Variants in MAML2 observed in about 807,000 individuals in gnomAD.
The protein encoded by MAML2 is mastermind-like protein 2.
In MAML2, 22 loss-of-function variants were observed where a neutral mutation model predicts 96.1. The observed-to-expected ratio is 0.23, with a 90% CI of 0.16 to 0.33. The LOEUF is 0.33. Among genes scored for constraint, MAML2 ranks in the 10% least tolerant of loss-of-function variants. The probability of loss-of-function intolerance (pLI) is 1.00; values close to 1 mark genes in which losing one functional copy is unlikely to be tolerated. For synonymous variants in MAML2, 561 were observed against 521.3 expected (o/e 1.08, Z -1.04); for missense variants, 1,367 against 1,392.4 (o/e 0.98, Z 0.29).
chr11:96,009,104 T>C (rs1455200283), intron 2 of MAML2, among the ~76,000 whole-genome samples: 5 of 152,212 alleles, frequency 3.3e-5, no homozygotes. Flanking sequence ...CAAAATAATA[T>C]TGTTAGATGT....
intron 1 of MAML2, among the ~76,000 whole-genome samples, chr11:96,184,249 T>C (rs1159498805): frequency 6.6e-6 from 1 of 152,178 alleles, no homozygotes; most frequent in African/African-American, 2.4e-5. Flanking sequence ...GAGACCAGCC[T>C]GACCATCATG....
chr11:96,250,510 C>G (rs1300950000), intron 1 of MAML2, among the ~76,000 whole-genome samples: 1 of 152,176 alleles, frequency 6.6e-6, no homozygotes, highest in Admixed American at 6.5e-5. Flanking sequence ...TCCTATCTAG[C>G]TGTAATTTTG....
intron 1 of MAML2, among the ~76,000 whole-genome samples, chr11:96,241,141 T>C (rs1041828661): frequency 6.6e-6 from 1 of 152,260 alleles, no homozygotes; most frequent in Non-Finnish European, 1.5e-5. Context: ...TTATAGTATA[T>C]ATTTACAAAT....
intron 2 of MAML2, among the ~76,000 whole-genome samples, chr11:96,029,804 G>T (rs1406725027): frequency 6.6e-6 from 1 of 152,180 alleles, no homozygotes; most frequent in East Asian, 1.9e-4. Flanking sequence ...GGTGCTCAAA[G>T]ATAGGCCTAA....
chr11:96,202,829 C>T (rs1203990174), intron 1 of MAML2, among the ~76,000 whole-genome samples: 5 of 151,960 alleles, frequency 3.3e-5, no homozygotes, highest in Non-Finnish European at 7.4e-5. Flanking sequence ...GGTTTCACCA[C>T]GTTGGCCAGG....
rs1427413128 is a variant in MAML2, at chr11:96,092,617, G to A, written c.1414C>T (p.Pro472Ser). 1.2e-6 allele frequency: 2 copies of A among 1,613,494 alleles called. No homozygotes were observed. The highest frequency in any genetic ancestry group is 1.7e-6 in the Non-Finnish European group (2 of 1,179,568). The change falls in exon 2 of 5, where the codon CCA (proline) becomes TCA (serine). Residue 472 changes from proline (P) to serine (S), a missense_variant. Transcript: ENST00000524717. The surrounding 1 kb of genome is among the most constrained non-coding windows in gnomAD (Gnocchi z 4.1). ...SALPSSAGPS[P>S]GPFGQEKIPS... ...ATTTTCTCCTGCCCAAATGGACCTG[G>A]TGATGGTCCAGCAGAAGAGGGCAAG...
At chr11:96,275,828 C>A (rs1269118386) in intron 1 of MAML2, among the ~76,000 whole-genome samples, 3 of 152,108 alleles carry the variant, frequency 2.0e-5, no homozygotes, top group African/African-American at 7.2e-5. Flanking sequence ...ACTTACCTAC[C>A]TAATTATATC....
intron 1 of MAML2, among the ~76,000 whole-genome samples, chr11:96,178,386 C>G (rs1253377771): frequency 6.6e-6 from 1 of 152,120 alleles, no homozygotes; most frequent in African/African-American, 2.4e-5. Flanking sequence ...CTGAAATCAC[C>G]CCTGACTTTG....
chr11:96,197,727 G>T (rs531669064), intron 1 of MAML2, among the ~76,000 whole-genome samples: 64 of 152,210 alleles, frequency 4.2e-4, no homozygotes, highest in African/African-American at 1.5e-3. Flanking sequence ...TAGCTCAACA[G>T]GCACATCATT....
chr11:96,288,566 CAAAAACAGA>C (rs1863170479), intron 1 of MAML2, among the ~76,000 whole-genome samples: 1 of 148,226 alleles, frequency 6.7e-6, no homozygotes, highest in African/African-American at 2.5e-5. Flanking sequence ...AAAAAACAAC[CAAAAACAGA>C]TAAGCACATT....
intron 1 of MAML2, among the ~76,000 whole-genome samples, chr11:96,194,222 C>T (rs1212916662): frequency 6.6e-6 from 1 of 152,156 alleles, no homozygotes; most frequent in Non-Finnish European, 1.5e-5. Flanking sequence ...CTGGGGTGGG[C>T]AGTCTGGGGA....
chr11:96,039,412 G>A (rs1047466145), intron 2 of MAML2, among the ~76,000 whole-genome samples: 2 of 148,556 alleles, frequency 1.3e-5, no homozygotes, highest in Admixed American at 6.7e-5. Flanking sequence ...AGGGGAGAGG[G>A]GAGGAGGGAA....
intron 2 of MAML2, among the ~76,000 whole-genome samples, chr11:96,060,151 A>T (rs1859132508): frequency 6.6e-6 from 1 of 152,228 alleles, no homozygotes; most frequent in Non-Finnish European, 1.5e-5. Context: ...AAAGTGAGGC[A>T]AGAACTTTAT....
intron 1 of MAML2, among the ~76,000 whole-genome samples, chr11:96,255,329 A>G (rs1407828669): frequency 6.6e-6 from 1 of 152,236 alleles, no homozygotes; most frequent in Non-Finnish European, 1.5e-5. Flanking sequence ...CTGAGCATAG[A>G]AACTATTTCA....
In MAML2 at chr11:96,149,432, A is replaced by AAAAAAAAAT. The variant is rs59453325; in HGVS notation, c.514-55916_514-55915insATTTTTTTT. ...ACTCCGTCACAAAAAAAAAAAAAAA[A>AAAAAAAAAT]TGAGAAGTTAAGTTTTCAGCCAGGC... On this transcript the variant is annotated intron_variant, in intron 1 of 4. Coordinates refer to ENST00000524717, the MANE Select transcript of MAML2 (RefSeq NM_032427.4). Among the ~76,000 whole-genome samples, 598 of 112,592 alleles carry AAAAAAAAAT rather than the reference A, an allele frequency of 5.3e-3. 74 individuals carry two copies. Among genetic ancestry groups the AAAAAAAAAT allele is most frequent in the Middle Eastern group, 7.6e-3 (1 of 132 alleles). The allele number at this position is 112,592 out of a possible 152,430, so 73.9% of individuals were successfully genotyped here. A position where few individuals can be genotyped will look rare whatever the true frequency, so the allele number is the denominator to read the frequency against.
In MAML2 at chr11:96,341,972, T is replaced by G; in HGVS notation, c.-77A>C. ...TACTGCTGGCTATTGCAGGCAAGTC[T>G]GTTTTTGACAATGTGAGCTCAGTGT... On this transcript the variant is annotated 5_prime_UTR_variant, in exon 1 of 5. Coordinates refer to ENST00000524717, the MANE Select transcript of MAML2 (RefSeq NM_032427.4). 7.2e-7 allele frequency: 1 copy of G among 1,390,914 alleles called. No homozygotes were observed. Among genetic ancestry groups the G allele is most frequent in the Non-Finnish European group, 9.5e-7 (1 of 1,056,168 alleles). The allele number at this position is 1,390,914 out of a possible 1,614,324, so 86.2% of individuals were successfully genotyped here.
At chr11:95,988,956 G>A (rs1188975350) in intron 3 of MAML2, among the ~76,000 whole-genome samples, 3 of 152,110 alleles carry the variant, frequency 2.0e-5, no homozygotes, top group Non-Finnish European at 4.4e-5. Context: ...TTCTCCATCT[G>A]TAAAAATGTG....
At chr11:96,083,299 A>G (rs1476764516) in intron 2 of MAML2, among the ~76,000 whole-genome samples, 1 of 152,170 alleles carries the variant, frequency 6.6e-6, no homozygotes, top group Non-Finnish European at 1.5e-5. Context: ...CTACCTGTGC[A>G]GTTTTTTTCA....
intron 1 of MAML2, among the ~76,000 whole-genome samples, chr11:96,098,500 C>T (rs1859870899): frequency 6.6e-6 from 1 of 152,174 alleles, no homozygotes; most frequent in African/African-American, 2.4e-5. Flanking sequence ...TTAATATCAC[C>T]CTTTCACTGG....
Sources: allele counts gnomAD v4.1 joint callset (sites outside exome capture counted in the v4.1 genomes callset), GRCh38; gene constraint gnomAD v4.1.1; non-coding constraint Gnocchi (gnomAD v3.1); transcripts MANE v1.5; gene names NCBI Gene and HGNC (gene_info 2026-07-23, HGNC 2026-07-21).